TDRD9: variants seen among roughly 807,000 people sequenced by gnomAD.
TDRD9 encodes the protein tudor domain containing 9, also known as ATP-dependent RNA helicase TDRD9.
A neutral mutation model predicts 172.6 loss-of-function variants in TDRD9; 124 were observed. The observed-to-expected ratio is 0.72, with a 90% CI of 0.62 to 0.83. TDRD9 has a LOEUF of 0.83. Ranked by LOEUF, TDRD9 falls within the 40% of genes least tolerant of loss-of-function variation. TDRD9 has a pLI of 0.00. For synonymous variants in TDRD9, 619 were observed against 617.1 expected (o/e 1.00, Z -0.05); for missense variants, 1,479 against 1,714.1 (o/e 0.86, Z 2.42).
At chr14:103,952,214 ATATATATTTTTT>A (rs2031944213) in intron 1 of TDRD9, among the ~76,000 whole-genome samples, 1 of 57,394 alleles carries the variant, frequency 1.7e-5, no homozygotes, top group Non-Finnish European at 2.9e-5. Flanking sequence ...ATATATATAT[ATATATATTTTTT>A]TTTTTTTTTT....
At chr14:103,970,518 G>A in intron 5 of TDRD9, 23 bp from the exon 6 acceptor site, 1 of 1,541,214 alleles carries the variant, frequency 6.5e-7, no homozygotes. Context: ...CATGTGGGGG[G>A]TGCCCCCTTT....
chr14:104,031,088 A>G lies in TDRD9; in HGVS notation c.3283-20A>G, dbSNP rs2035266159. On this transcript the variant is annotated intron_variant, in intron 28 of 35. Transcript: ENST00000409874. ...TGTAATATTTTCTTTTAACAAAACA[A>G]ACTTTTCTTGTTTGTTCAGCAAAGC... is the stretch of plus-strand genomic sequence containing the variant. 5.2e-6 allele frequency: 8 copies of G among 1,539,636 alleles called. No individual in the cohort carries two copies. The highest frequency in any genetic ancestry group is 7.0e-6 in the Non-Finnish European group (8 of 1,144,424).
In TDRD9 at chr14:104,049,627, C is replaced by T. The variant is rs1190543574; in HGVS notation, c.3994C>T (p.Pro1332Ser). The T allele has an allele frequency of 1.0e-5, 16 of 1,581,038 alleles. No individual in the cohort carries two copies. The highest frequency in any genetic ancestry group is 1.4e-5 in the Non-Finnish European group (16 of 1,163,782). Residue 1332 changes from proline to serine, a missense_variant, in exon 35 of 36, where the codon CCA becomes TCA. Coordinates refer to ENST00000409874, the MANE Select transcript of TDRD9 (RefSeq NM_153046.3). The part of the protein sequence containing the change: ...KLLGLFCQSK[P>S]REKIVPKWHE... ...AATTAGTTTGTTCTGTCAGTCAAAACCAAGGGAGAAGATTGTTCCCAAGTG... is the reference window on the plus strand; with the variant it reads ...AATTAGTTTGTTCTGTCAGTCAAAATCAAGGGAGAAGATTGTTCCCAAGTG...
intron 7 of TDRD9, among the ~76,000 whole-genome samples, chr14:103,976,295 A>T (rs1232126486): frequency 6.8e-6 from 1 of 146,590 alleles, no homozygotes; most frequent in Non-Finnish European, 1.5e-5. Flanking sequence ...TTTTTTCGAG[A>T]CAGAGTCTTG....
In TDRD9 at chr14:104,007,239, C is replaced by T. The variant is rs200893356; in HGVS notation, c.2052+35C>T. On this transcript the variant is annotated intron_variant, in intron 19 of 35. Coordinates refer to ENST00000409874, the MANE Select transcript of TDRD9 (RefSeq NM_153046.3). ...CCCTTTCCTGCTGCTTTCTAGATGG[C>T]TGGGAGTAATGAGAGAAGGACTCTG... is the stretch of plus-strand genomic sequence containing the variant. 42 of 1,604,516 alleles carry T rather than the reference C, an allele frequency of 2.6e-5. No homozygotes were observed. The Middle Eastern group carries it at 9.9e-4, about 38-fold the overall frequency.
At chr14:103,964,929 A>AAGCAATTTGGGAAATTGCTGGTAATCCC (rs1182599458) in intron 3 of TDRD9, among the ~76,000 whole-genome samples, 9 of 152,012 alleles carry the variant, frequency 5.9e-5, no homozygotes, top group African/African-American at 1.7e-4. Flanking sequence ...TAATAACTTT[A>AAGCAATTTGGGAAATTGCTGGTAATCCC]AGCAATTTGG....
chr14:104,030,722 G>C (rs1474138575), intron 28 of TDRD9, among the ~76,000 whole-genome samples: 1 of 151,834 alleles, frequency 6.6e-6, no homozygotes, highest in South Asian at 2.1e-4. Context: ...GTAAACTATC[G>C]CAAGGACAAA....
At chr14:103,973,241 T>G (rs914981513) in intron 6 of TDRD9, among the ~76,000 whole-genome samples, 3 of 152,212 alleles carry the variant, frequency 2.0e-5, no homozygotes, top group Admixed American at 6.5e-5. Flanking sequence ...GACACCATAT[T>G]CTAGGTGGTT....
At position 104,005,320 on chromosome 14, in the gene TDRD9, T is replaced by C. The variant is rs2034400559; in HGVS notation, c.1628T>C (p.Met543Thr). Residue 543 changes from methionine (M) to threonine (T), a missense_variant, in exon 15 of 36, where the codon ATG (methionine) becomes ACG (threonine). Met to Thr is a moderately conservative substitution (Grantham distance 81). This residue lies in a region of TDRD9 where 1,413 missense variants were observed against 1,649.1 expected (regional missense o/e 0.86). Transcript: ENST00000409874. ...ATCTTGAAAGTGAAATTACTTGACA[T>C]GGGTGAGCCGAGAGCTCTGCTGGCC... ...STILKVKLLDMGEPRALLATA... is the reference protein window; with the variant it reads ...STILKVKLLDTGEPRALLATA... 2 of 1,614,006 alleles carry C rather than the reference T, an allele frequency of 1.2e-6. No individual in the cohort carries two copies. The highest frequency in any genetic ancestry group is 1.7e-6 in the Non-Finnish European group (2 of 1,179,884).
chr14:104,038,223 A>G (rs1483541598), intron 32 of TDRD9, among the ~76,000 whole-genome samples: 1 of 152,188 alleles, frequency 6.6e-6, no homozygotes, highest in East Asian at 1.9e-4. Context: ...TCTTTAAACA[A>G]CAACAACAAG....
At chr14:103,973,449 C>T (rs1482356092) in intron 6 of TDRD9, among the ~76,000 whole-genome samples, 1 of 152,196 alleles carries the variant, frequency 6.6e-6, no homozygotes, top group Admixed American at 6.5e-5. Flanking sequence ...ATCCTCCAGC[C>T]ACTGACCTTG....
chr14:104,008,305 A>G (rs559535279), intron 19 of TDRD9, 108 bp from the exon 20 acceptor site: 16 of 694,648 alleles, frequency 2.3e-5, no homozygotes, highest in Non-Finnish European at 3.5e-5. Context: ...GTAGCTCAGT[A>G]ATTTACATTC....
At chr14:103,965,293 C>G in intron 3 of TDRD9, 40 bp from the exon 4 acceptor site, 1 of 1,516,292 alleles carries the variant, frequency 6.6e-7, no homozygotes, top group Non-Finnish European at 9.0e-7. Flanking sequence ...TTTACATTGC[C>G]ATTTTGTGCT....
At chr14:103,940,082 G>A (rs576271682) in intron 1 of TDRD9, among the ~76,000 whole-genome samples, 35 of 152,076 alleles carry the variant, frequency 2.3e-4, no homozygotes, top group Non-Finnish European at 8.8e-5. Flanking sequence ...ATAAAGTTAT[G>A]AAAAGCCAGA....
chr14:103,972,277 A>G (rs1453915593), intron 6 of TDRD9, among the ~76,000 whole-genome samples: 1 of 152,014 alleles, frequency 6.6e-6, no homozygotes, highest in African/African-American at 2.4e-5. Context: ...ACTGCACTCC[A>G]GCCTGGGCAA....
chr14:103,998,551 C>G (rs998877355), intron 12 of TDRD9, 73 bp from the exon 13 acceptor site: 2 of 866,782 alleles, frequency 2.3e-6, no homozygotes, highest in Non-Finnish European at 3.9e-6. Context: ...GGCTTTATCA[C>G]TATGCATTGT....
rs576854779 is a variant in TDRD9, at chr14:104,003,307, G to C, written c.1484-931G>C. On this transcript the variant is annotated intron_variant, in intron 13 of 35. Transcript: ENST00000409874. ...TATTAGTAGGAGAAAAAGACAACTT[G>C]GTCTGTTTTAGCATCTATCTTATGC... Among the ~76,000 whole-genome samples the C allele has an allele frequency of 3.9e-4, 59 of 152,156 alleles. 2 individuals are homozygous for C. The highest frequency in any genetic ancestry group is 1.3e-3 in the African/African-American group (55 of 41,512).
Position 103,991,228 on chromosome 14 carries a change from A to G in TDRD9, c.1180+4A>G. On this transcript the variant is annotated splice_donor_region_variant and intron_variant, in intron 9 of 35. Transcript: ENST00000409874. ...AGTGTGTTGGTGTTTTTGCCAGGTA[A>G]GAACATCATAATTTTGTGACTTGGA... is the stretch of plus-strand genomic sequence containing the variant. 1 of 1,613,950 alleles carries G rather than the reference A, an allele frequency of 6.2e-7. No homozygotes were observed. Among genetic ancestry groups the G allele is most frequent in the Non-Finnish European group, 8.5e-7 (1 of 1,179,872 alleles).
intron 1 of TDRD9, among the ~76,000 whole-genome samples, chr14:103,953,922 T>TC (rs943610837): frequency 6.6e-6 from 1 of 152,196 alleles, no homozygotes; most frequent in South Asian, 2.1e-4. Flanking sequence ...GCTAACCTCT[T>TC]CCTGAAACAC....
Sources: allele counts gnomAD v4.1 joint callset (sites outside exome capture counted in the v4.1 genomes callset), GRCh38; gene constraint gnomAD v4.1.1; regional missense constraint gnomAD v4.1.1; transcripts MANE v1.5; gene names NCBI Gene and HGNC (gene_info 2026-07-23, HGNC 2026-07-21).